The following COBL variants were observed in gnomAD, a reference collection of about 807,000 sequenced individuals.
The protein encoded by COBL is cordon-bleu WH2 repeat protein.
In COBL, 51 loss-of-function variants were observed where a neutral mutation model predicts 98.8. That is an observed-to-expected ratio of 0.52 (90% confidence interval 0.41 to 0.65). The LOEUF is 0.65. Ranked by LOEUF, COBL falls within the 30% of genes least tolerant of loss-of-function variation. The pLI, the probability that COBL is intolerant of heterozygous loss-of-function variation, is 0.00. For missense variants in COBL, 1,617 were observed against 1,617.5 expected (o/e 1.00, Z 0.01); for synonymous variants, 634 against 651.7 (o/e 0.97, Z 0.41).
intron 5 of COBL, among the ~76,000 whole-genome samples, chr7:51,163,642 T>A (rs574496113): frequency 6.6e-6 from 1 of 152,330 alleles, no homozygotes; most frequent in African/African-American, 2.4e-5. Context: ...ACACCTCATA[T>A]CAATAATATA....
intron 5 of COBL, among the ~76,000 whole-genome samples, chr7:51,183,648 A>C (rs1252708219): frequency 6.6e-6 from 1 of 152,258 alleles, no homozygotes; most frequent in Non-Finnish European, 1.5e-5. Flanking sequence ...ACTAGCAAGA[A>C]GACAAGTTCA....
chr7:51,204,947 C>T (rs1018200884), intron 2 of COBL, among the ~76,000 whole-genome samples: 3 of 152,130 alleles, frequency 2.0e-5, no homozygotes, highest in African/African-American at 4.8e-5. Flanking sequence ...TAGAAATAAA[C>T]TTAACCAAAC....
At chr7:51,234,989 C>G (rs1042923285) in intron 1 of COBL, among the ~76,000 whole-genome samples, 1 of 152,098 alleles carries the variant, frequency 6.6e-6, no homozygotes. Flanking sequence ...TGAGGCTATT[C>G]CACTCCAAAA....
rs1433755562 is a variant in COBL, at chr7:51,028,595, T to C, written c.2501A>G (p.Asn834Ser). ...ACCCATGCCCATGGTGGGGGGCTGG[T>C]TTCTCCCCTCCCCTAGGGGGTTCCG... ...EGRNPLGEGRNQPPTMGMGHV... is the reference protein window; with the variant it reads ...EGRNPLGEGRSQPPTMGMGHV... The change falls in exon 10 of 13, where the codon AAC becomes AGC. Residue 834 changes from asparagine (N) to serine (S), a missense_variant. Asn to Ser is a conservative substitution (Grantham distance 46). Around this residue, in one of 3 missense-constraint regions of COBL, gnomAD observed 1,304 missense variants for 1,282.0 expected, o/e 1.02. Transcript: ENST00000265136. The C allele has an allele frequency of 6.2e-7, 1 of 1,614,024 alleles. No individual in the cohort carries two copies. The highest frequency in any genetic ancestry group is 2.2e-5 in the East Asian group (1 of 44,888).
chr7:51,232,809 A>C (rs1794889540), intron 1 of COBL, among the ~76,000 whole-genome samples: 2 of 152,114 alleles, frequency 1.3e-5, no homozygotes, highest in Non-Finnish European at 2.9e-5. Flanking sequence ...AGACCCCACC[A>C]CAAAAAAAAA....
At chr7:51,270,748 T>G (rs971860265) in intron 1 of COBL, among the ~76,000 whole-genome samples, 1 of 152,098 alleles carries the variant, frequency 6.6e-6, no homozygotes, top group African/African-American at 2.4e-5. Flanking sequence ...CCAAAGGTCT[T>G]TTTTTCAAAA....
chr7:51,287,844 G>GA (rs912421577), intron 1 of COBL, among the ~76,000 whole-genome samples: 12 of 150,222 alleles, frequency 8.0e-5, no homozygotes, highest in African/African-American at 2.0e-4. Flanking sequence ...CAAAAAAAAA[G>GA]AAAAAAAAAT....
chr7:51,280,353 G>A (rs1465017709), intron 1 of COBL, among the ~76,000 whole-genome samples: 1 of 152,136 alleles, frequency 6.6e-6, no homozygotes, highest in Non-Finnish European at 1.5e-5. Flanking sequence ...GCTCCTATGA[G>A]CCCCAGTCCA....
At chr7:51,158,648 C>G (rs956135927) in intron 5 of COBL, among the ~76,000 whole-genome samples, 33 of 152,028 alleles carry the variant, frequency 2.2e-4, no homozygotes, top group African/African-American at 7.7e-4. Context: ...GAACAGAGCA[C>G]GGTGGGAGGC....
chr7:51,107,428 A>G (rs1282860381), intron 6 of COBL, among the ~76,000 whole-genome samples: 2 of 152,164 alleles, frequency 1.3e-5, no homozygotes, highest in African/African-American at 4.8e-5. Flanking sequence ...AGATCTCTTC[A>G]TATTTTCCAA....
At position 51,029,461 on chromosome 7, in the gene COBL, C is replaced by T. The variant is rs1483726939; in HGVS notation, c.1635G>A (p.Gly545=). 3 of 1,613,988 alleles carry T rather than the reference C, an allele frequency of 1.9e-6. No individual in the cohort carries two copies. Among genetic ancestry groups the T allele is most frequent in the African/African-American group, 1.3e-5 (1 of 74,906 alleles). ...AATCCACAGGATCATCTGAAACTTCCCCTATGAATGTTACTGGGATTGCAT... is the reference window on the plus strand; with the variant it reads ...AATCCACAGGATCATCTGAAACTTCTCCTATGAATGTTACTGGGATTGCAT... ...DTDAIPVTFI[G]EVSDDPVDSG... The change falls in exon 10 of 13, where the codon GGG becomes GGA. Residue 545 remains glycine, a synonymous_variant. Coordinates refer to ENST00000265136, the MANE Select transcript of COBL (RefSeq NM_015198.5).
At chr7:51,119,327 A>G (rs1401696618) in intron 6 of COBL, among the ~76,000 whole-genome samples, 2 of 152,172 alleles carry the variant, frequency 1.3e-5, no homozygotes, top group Non-Finnish European at 1.5e-5. Flanking sequence ...GCTCAATACT[A>G]AGGGAAACAT....
intron 6 of COBL, among the ~76,000 whole-genome samples, chr7:51,125,430 T>C (rs975920373): frequency 5.9e-5 from 9 of 152,192 alleles, no homozygotes; most frequent in Non-Finnish European, 1.2e-4. Context: ...AACCACCCAG[T>C]CGGCGGTATT....
chr7:51,156,741 C>CACACAA (rs974027757), intron 5 of COBL: 55 of 150,676 alleles, frequency 3.7e-4, no homozygotes, highest in South Asian at 1.4e-3. Flanking sequence ...CACACACACA[C>CACACAA]AATGAACTGT....
At chr7:51,172,651 AATAGGTG>A (rs1345713139) in intron 5 of COBL, 2 of 487,592 alleles carry the variant, frequency 4.1e-6, no homozygotes, top group Admixed American at 7.4e-5. Flanking sequence ...CCCTTCACTT[AATAGGTG>A]TAATCTTTAC....
intron 6 of COBL, among the ~76,000 whole-genome samples, chr7:51,123,566 CAGACAGTGCTA>C (rs1339640695): frequency 2.0e-5 from 3 of 152,178 alleles, no homozygotes; most frequent in Non-Finnish European, 4.4e-5. Flanking sequence ...GCACCATGAA[CAGACAGTGCTA>C]AGAAAACACT....
In COBL at chr7:51,217,340, C is replaced by CTTTTTTTTTTTTT. The variant is rs937958755; in HGVS notation, c.245+2388_245+2400dup. 1.6e-4 allele frequency among the ~76,000 whole-genome samples: 21 copies of CTTTTTTTTTTTTT among 127,722 alleles called. 1 individual carries two copies. The highest frequency in any genetic ancestry group is 5.2e-4 in the African/African-American group (17 of 32,816). 83.8% of individuals were successfully genotyped at this position (127,722 alleles called of 152,430 possible). On this transcript the variant is annotated intron_variant, in intron 2 of 12. Coordinates refer to ENST00000265136, the MANE Select transcript of COBL (RefSeq NM_015198.5). ...CACAATGCCATTTTCTTTTCTTTTT[C>CTTTTTTTTTTTTT]TTTTTTTTTTTTTTTTTTGAGATGG...
chr7:51,091,640 G>A (rs556871711), intron 6 of COBL, among the ~76,000 whole-genome samples: 117 of 152,244 alleles, frequency 7.7e-4, no homozygotes, highest in African/African-American at 2.8e-3. Context: ...CTCCAAATTG[G>A]AGGAAGGAAA....
In COBL at chr7:51,229,416, G is replaced by A. The variant is rs75600116; in HGVS notation, c.42-9472C>T. ...GAATGAGACCGCGAGAGTTGTGAGG[G>A]AGGAAGGGCTGAGCTCGCCTTTCAT... On this transcript the variant is annotated intron_variant, in intron 1 of 12. Coordinates refer to ENST00000265136, the MANE Select transcript of COBL (RefSeq NM_015198.5). Among the ~76,000 whole-genome samples, 399 of 152,330 alleles carry A rather than the reference G, an allele frequency of 2.6e-3. 5 individuals carry two copies. Among genetic ancestry groups the A allele is most frequent in the East Asian group, 0.026 (135 of 5,172 alleles).
Sources: gnomAD v4.1 joint callset for allele counts (sites outside exome capture counted in the v4.1 genomes callset) on GRCh38, gnomAD v4.1.1 for gene constraint, gnomAD v4.1.1 regional missense constraint, MANE v1.5 for transcripts, NCBI Gene and HGNC (gene_info 2026-07-23, HGNC 2026-07-21) for gene names.